The following USP53 variants were observed in gnomAD, a reference collection of about 807,000 sequenced individuals.
USP53 encodes the protein ubiquitin carboxyl-terminal hydrolase 53.
USP53 carries 71 observed loss-of-function variants against 94.9 expected under a neutral mutation model. That is an observed-to-expected ratio of 0.75 (90% confidence interval 0.62 to 0.91). USP53 has a LOEUF of 0.91. USP53 is among the 40% of genes least tolerant of loss of function. The pLI is 0.00. For missense variants in USP53, 1,173 were observed against 1,281.0 expected (o/e 0.92, Z 1.29); for synonymous variants, 375 against 422.7 (o/e 0.89, Z 1.39).
intron 2 of USP53, among the ~76,000 whole-genome samples, chr4:119,215,747 G>T (rs1743651289): frequency 6.6e-6 from 1 of 152,012 alleles, no homozygotes; most frequent in African/African-American, 2.4e-5. Context: ...ATTGCATCTG[G>T]CTAAAGAATT....
At chr4:119,234,411 A>G (rs1442257065) in intron 3 of USP53, among the ~76,000 whole-genome samples, 2 of 152,190 alleles carry the variant, frequency 1.3e-5, no homozygotes, top group African/African-American at 4.8e-5. Context: ...GGAAGCAGGA[A>G]TTTGAAATCT....
At chr4:119,270,233 T>C (rs1751681310) in intron 15 of USP53, among the ~76,000 whole-genome samples, 1 of 151,700 alleles carries the variant, frequency 6.6e-6, no homozygotes, top group Non-Finnish European at 1.5e-5. Context: ...TAGCTAGGAC[T>C]ACAGGCACAT....
intron 1 of USP53, among the ~76,000 whole-genome samples, chr4:119,213,660 ATGTGTGTGTGTGTATGTATG>A (rs1743266729): frequency 3.4e-5 from 4 of 117,784 alleles, no homozygotes; most frequent in African/African-American, 1.4e-4. Context: ...ATATATATAT[ATGTGTGTGTGTGTATGTATG>A]TATGTATAAA....
rs896938523 is a variant in USP53 at position 119,260,199 on chromosome 4, A to G, written c.675+274A>G. 1.3e-5 allele frequency among the ~76,000 whole-genome samples: 2 copies of G among 152,282 alleles called. 1 individual carries two copies. The highest frequency in any genetic ancestry group is 3.9e-4 in the East Asian group (2 of 5,186). ...AGAAAGTTTCTTTTCAGTAAACTTG[A>G]TGAATGATGAATGATACTCTTTTCT... On this transcript the variant is annotated intron_variant, in intron 10 of 18. Coordinates refer to ENST00000692078, the MANE Select transcript of USP53 (RefSeq NM_001371395.1).
In USP53 at chr4:119,293,950, A is replaced by ATATC. The variant is rs1755042162; in HGVS notation, c.*742_*745dup. On this transcript the variant is annotated 3_prime_UTR_variant, in exon 19 of 19. Transcript: ENST00000692078. The stretch of plus-strand genomic sequence containing the variant: ...TGCTCCTAGAATTTTTGTCTTCAGA[A>ATATC]TATCTAGTTAAGATAAATTAGGCCT... 6.6e-6 allele frequency: 1 copy of ATATC among 152,164 alleles called. No homozygotes were observed. Among genetic ancestry groups the ATATC allele is most frequent in the Non-Finnish European group, 1.5e-5 (1 of 67,992 alleles). The allele number at this position is 152,164 out of a possible 1,614,324, so 9.4% of individuals were successfully genotyped here.
chr4:119,234,460 G>A (rs771601371), intron 3 of USP53, among the ~76,000 whole-genome samples: 1 of 152,104 alleles, frequency 6.6e-6, no homozygotes, highest in South Asian at 2.1e-4. Flanking sequence ...TAAATTATCT[G>A]TTTGTGTCTG....
chr4:119,267,315 A>T lies in USP53; in HGVS notation c.973-5A>T, dbSNP rs200593885. The T allele has an allele frequency of 1.1e-4, 185 of 1,609,646 alleles. No homozygotes were observed. In the African/African-American group the frequency reaches 2.3e-3, roughly 20 times the overall value. Reference sequence around the variant, plus strand: ...TTGTCTTTATTCATTGTGTTTTTTTAAAAGATTGGAACTAGATGGAAAGAT... The same window carrying T: ...TTGTCTTTATTCATTGTGTTTTTTTTAAAGATTGGAACTAGATGGAAAGAT... On this transcript the variant is annotated splice_region_variant and splice_polypyrimidine_tract_variant and intron_variant, in intron 12 of 18. Transcript: ENST00000692078.
intron 3 of USP53, among the ~76,000 whole-genome samples, chr4:119,232,883 C>A (rs1202507926): frequency 2.0e-5 from 3 of 152,042 alleles, no homozygotes; most frequent in Admixed American, 6.6e-5. Flanking sequence ...TGATCTAACA[C>A]TAGAATTAAC....
intron 12 of USP53, among the ~76,000 whole-genome samples, chr4:119,265,481 G>T (rs1561290336): frequency 6.6e-6 from 1 of 152,068 alleles, no homozygotes; most frequent in African/African-American, 2.4e-5. Flanking sequence ...TCAAAGCCTG[G>T]CCAACATGGT....
intron 17 of USP53, among the ~76,000 whole-genome samples, chr4:119,290,925 T>G (rs1018086346): frequency 2.2e-4 from 34 of 152,188 alleles, no homozygotes; most frequent in African/African-American, 8.2e-4. Context: ...AACAGCACTA[T>G]TCCATCATGG....
At chr4:119,280,521 T>C (rs1753398068) in intron 17 of USP53, among the ~76,000 whole-genome samples, 1 of 152,200 alleles carries the variant, frequency 6.6e-6, no homozygotes, top group Non-Finnish European at 1.5e-5. Context: ...AAAAAGAGAA[T>C]GGTCCATTGA....
chr4:119,292,746 T>C lies in USP53; in HGVS notation c.2757T>C (p.Asn919=). ...GCQMPKLFCQ[N]LPPPLPPKKY... is the part of the protein sequence containing the mutation. ...AGATGCCAAAACTTTTTTGCCAGAA[T>C]CTACCACCCCCTTTGCCACCAAAGA... is the stretch of plus-strand genomic sequence containing the variant. Residue 919 remains asparagine (N), a synonymous_variant, in exon 19 of 19, where the codon AAT becomes AAC. Coordinates refer to ENST00000692078, the MANE Select transcript of USP53 (RefSeq NM_001371395.1). 7 of 1,614,076 alleles carry C rather than the reference T, an allele frequency of 4.3e-6. No homozygotes were observed. Among genetic ancestry groups the C allele is most frequent in the Non-Finnish European group, 5.1e-6 (6 of 1,179,982 alleles).
rs141285286 is a variant in USP53, at chr4:119,213,641, G to GATATATATATATATATATATATAT, written c.-941-409_-941-408insATATATATATATATATATATATAT. ...CCGAAAGTTTCCTTATCTGGAAATA[G>GATATATATATATATATATATATAT]ATATATATATATATATATATGTGTG... On this transcript the variant is annotated intron_variant, in intron 1 of 18. Coordinates refer to ENST00000692078, the MANE Select transcript of USP53 (RefSeq NM_001371395.1). Among the ~76,000 whole-genome samples the GATATATATATATATATATATATAT allele has an allele frequency of 1.1e-3, 119 of 108,020 alleles. 1 individual carries two copies. Among genetic ancestry groups the GATATATATATATATATATATATAT allele is most frequent in the African/African-American group, 4.1e-3 (98 of 23,638 alleles). The allele number at this position is 108,020 out of a possible 152,430, so 70.9% of individuals were successfully genotyped here. A position where few individuals can be genotyped will look rare whatever the true frequency, so the allele number is the denominator to read the frequency against.
chr4:119,264,849 G>T (rs146001346), intron 12 of USP53, among the ~76,000 whole-genome samples: 325 of 152,282 alleles, frequency 2.1e-3, no homozygotes, highest in African/African-American at 7.2e-3. Context: ...ACGTGTACTT[G>T]AATGTTCATG....
intron 6 of USP53, among the ~76,000 whole-genome samples, chr4:119,246,388 C>T (rs914811796): frequency 2.0e-5 from 3 of 152,192 alleles, no homozygotes; most frequent in Non-Finnish European, 4.4e-5. Context: ...GGCAAGACCA[C>T]GTGGAGACAT....
intron 3 of USP53, among the ~76,000 whole-genome samples, chr4:119,224,128 T>C (rs1424097487): frequency 7.9e-5 from 12 of 152,170 alleles, no homozygotes; most frequent in Admixed American, 7.2e-4. Context: ...GCCTCCTGAG[T>C]AGCTGGGATT....
intron 2 of USP53, among the ~76,000 whole-genome samples, chr4:119,215,408 G>A (rs1743576695): frequency 6.6e-6 from 1 of 152,122 alleles, no homozygotes; most frequent in African/African-American, 2.4e-5. Flanking sequence ...AATCTTTGCA[G>A]GTTATACATT....
intron 17 of USP53, among the ~76,000 whole-genome samples, chr4:119,281,567 AAC>A (rs1156503048): frequency 3.3e-5 from 5 of 152,214 alleles, no homozygotes; most frequent in African/African-American, 1.2e-4. Flanking sequence ...TAAGTTTGGT[AAC>A]CAAGTATTAC....
At position 119,259,295 on chromosome 4, in the gene USP53, A is replaced by AGG. The variant is rs965171704; in HGVS notation, c.570-518_570-517dup. ...GACCCCATCTCAAAAAAAAAAAAAA[A>AGG]GGGGGGGGAGTAATATTCAAAATAA... is the stretch of plus-strand genomic sequence containing the variant. On this transcript the variant is annotated intron_variant, in intron 9 of 18. Coordinates refer to ENST00000692078, the MANE Select transcript of USP53 (RefSeq NM_001371395.1). Among the ~76,000 whole-genome samples the AGG allele has an allele frequency of 7.4e-3, 994 of 133,560 alleles. 16 individuals carry two copies. The highest frequency in any genetic ancestry group is 0.024 in the African/African-American group (868 of 36,018). 87.6% of individuals were successfully genotyped at this position (133,560 alleles called of 152,430 possible).
Sources: allele counts gnomAD v4.1 joint callset (sites outside exome capture counted in the v4.1 genomes callset), GRCh38; gene constraint gnomAD v4.1.1; transcripts MANE v1.5; gene names NCBI Gene and HGNC (gene_info 2026-07-23, HGNC 2026-07-21).